ZFAND3: variants seen among roughly 807,000 people sequenced by gnomAD.
ZFAND3 encodes AN1-type zinc finger protein 3.
A neutral mutation model predicts 29.6 loss-of-function variants in ZFAND3; 10 were observed. The ratio of observed to expected loss-of-function variants is 0.34; its 90% CI spans 0.21 to 0.57. The LOEUF (loss-of-function observed/expected upper bound fraction) is 0.57, where lower values mean the gene tolerates loss of function less well. ZFAND3 is among the 20% of genes least tolerant of loss of function. The pLI, the probability that ZFAND3 is intolerant of heterozygous loss-of-function variation, is 0.86. For synonymous variants in ZFAND3, 128 were observed against 112.6 expected (o/e 1.14, Z -0.87); for missense variants, 230 against 304.5 (o/e 0.76, Z 1.82).
intron 1 of ZFAND3, among the ~76,000 whole-genome samples, chr6:37,823,872 A>C (rs1386206602): frequency 6.6e-6 from 1 of 151,840 alleles, no homozygotes; most frequent in South Asian, 2.1e-4. Context: ...GCTCACCGCA[A>C]CCTCTGCCTC....
intron 5 of ZFAND3, 104 bp from the exon 6 acceptor site, chr6:38,152,131 C>A: frequency 8.9e-7 from 1 of 1,120,310 alleles, no homozygotes; most frequent in Admixed American, 2.7e-5. Context: ...GTTGTCCACT[C>A]ACTGGGATGC....
chr6:37,947,319 A>G (rs1267718451), intron 2 of ZFAND3, among the ~76,000 whole-genome samples: 1 of 152,108 alleles, frequency 6.6e-6, no homozygotes, highest in African/African-American at 2.4e-5. Flanking sequence ...TCCTTTTCAT[A>G]TTTATCTGTG....
chr6:37,934,823 A>G (rs1180103790), intron 2 of ZFAND3, among the ~76,000 whole-genome samples: 6 of 131,846 alleles, frequency 4.6e-5, no homozygotes, highest in Non-Finnish European at 1.6e-5. Context: ...TGGGCAACAG[A>G]GTGAGACTCT....
rs70981523 is a variant in ZFAND3 at position 38,120,320 on chromosome 6, C to CTTTTTTTTTTTTTTTTTTTTTTT, written c.529+3589_529+3611dup. 4.4e-4 allele frequency among the ~76,000 whole-genome samples: 27 copies of CTTTTTTTTTTTTTTTTTTTTTTT among 60,734 alleles called. 3 individuals carry two copies. The highest frequency in any genetic ancestry group is 7.3e-4 in the African/African-American group (13 of 17,786). The allele number at this position is 60,734 out of a possible 152,430, so 39.8% of individuals were successfully genotyped here. Reference sequence around the variant, plus strand: ...TGATTGATACACGTAGCTTGGCTTCCTTTTTTTTTTTTTTTTTTTTTTTTT... The same window carrying CTTTTTTTTTTTTTTTTTTTTTTT: ...TGATTGATACACGTAGCTTGGCTTCCTTTTTTTTTTTTTTTTTTTTTTTTTTTTTTTTTTTTTTTTTTTTTTTT... On this transcript the variant is annotated intron_variant, in intron 5 of 5. Coordinates refer to ENST00000287218, the MANE Select transcript of ZFAND3 (RefSeq NM_021943.3).
chr6:37,859,604 G>A (rs916525607), intron 1 of ZFAND3, among the ~76,000 whole-genome samples: 2 of 152,104 alleles, frequency 1.3e-5, no homozygotes, highest in African/African-American at 4.8e-5. Flanking sequence ...ATTGGGGAGG[G>A]GCATGATAGC....
intron 4 of ZFAND3, among the ~76,000 whole-genome samples, chr6:38,098,352 G>T (rs1005734297): frequency 2.0e-5 from 3 of 152,136 alleles, no homozygotes; most frequent in African/African-American, 7.2e-5. Context: ...TTTTCACCAT[G>T]TTGGCCAGGC....
intron 2 of ZFAND3, among the ~76,000 whole-genome samples, chr6:37,965,910 G>C (rs556308008): frequency 6.6e-6 from 1 of 152,104 alleles, no homozygotes; most frequent in African/African-American, 2.4e-5. Context: ...CTATAGGCAT[G>C]TGCTACCATG....
At chr6:38,047,197 C>G (rs1021796453) in intron 2 of ZFAND3, among the ~76,000 whole-genome samples, 3 of 151,820 alleles carry the variant, frequency 2.0e-5, no homozygotes, top group African/African-American at 7.3e-5. Flanking sequence ...CACTTGTAAT[C>G]CCAGCTACTC....
chr6:38,052,586 C>A (rs563636115), intron 2 of ZFAND3, among the ~76,000 whole-genome samples: 65 of 152,102 alleles, frequency 4.3e-4, no homozygotes, highest in Non-Finnish European at 8.2e-4. Flanking sequence ...ATAAGACATT[C>A]ATTTATCCAA....
At chr6:37,998,102 C>T (rs2127438232) in intron 2 of ZFAND3, among the ~76,000 whole-genome samples, 1 of 152,298 alleles carries the variant, frequency 6.6e-6, no homozygotes, top group South Asian at 2.1e-4. Context: ...GATAAACAAA[C>T]TGTAGAATAT....
At position 37,819,774 on chromosome 6, in the gene ZFAND3, G is replaced by C. The variant is rs1011900732; in HGVS notation, c.-172G>C. ...TGGTGCGGCCCGCCTCCAGCTGACCGGCCTGGAATCCCGGCTCCGAGCCCC... is the reference window on the plus strand; with the variant it reads ...TGGTGCGGCCCGCCTCCAGCTGACCCGCCTGGAATCCCGGCTCCGAGCCCC... On this transcript the variant is annotated 5_prime_UTR_variant, in exon 1 of 6. Transcript: ENST00000287218. The C allele has an allele frequency of 7.2e-6, 2 of 279,124 alleles. No individual in the cohort carries two copies. Among genetic ancestry groups the C allele is most frequent in the African/African-American group, 2.3e-5 (1 of 43,880 alleles). The allele number at this position is 279,124 out of a possible 1,614,324, so 17.3% of individuals were successfully genotyped here.
chr6:37,847,400 C>T (rs1232848257), intron 1 of ZFAND3, among the ~76,000 whole-genome samples: 7 of 151,988 alleles, frequency 4.6e-5, no homozygotes, highest in Admixed American at 3.9e-4. Context: ...ATGGTGAAAC[C>T]CTGTCTCTAC....
intron 5 of ZFAND3, among the ~76,000 whole-genome samples, chr6:38,122,095 G>A (rs1361014501): frequency 2.0e-5 from 3 of 152,150 alleles, no homozygotes; most frequent in Non-Finnish European, 4.4e-5. Flanking sequence ...ATGGACTCAT[G>A]GGCTCTTATC....
intron 4 of ZFAND3, among the ~76,000 whole-genome samples, chr6:38,102,159 T>TTCA (rs1295644304): frequency 6.6e-6 from 1 of 152,110 alleles, no homozygotes; most frequent in African/African-American, 2.4e-5. Context: ...CTTCTTCTTC[T>TTCA]TCATCTTCAT....
intron 2 of ZFAND3, among the ~76,000 whole-genome samples, chr6:38,040,206 A>G (rs917316532): frequency 1.3e-5 from 2 of 152,166 alleles, no homozygotes; most frequent in African/African-American, 4.8e-5. Context: ...AAAAGGTTGT[A>G]GTGACTATTC....
intron 1 of ZFAND3, among the ~76,000 whole-genome samples, chr6:37,895,877 G>A (rs993714673): frequency 3.3e-5 from 5 of 151,986 alleles, no homozygotes; most frequent in Non-Finnish European, 5.9e-5. Context: ...TTTAATCTAG[G>A]GTTCATTTAC....
Position 38,138,881 on chromosome 6 carries a change from A to G in ZFAND3, c.530-13354A>G, listed in dbSNP as rs116233728. Among the ~76,000 whole-genome samples, 744 of 152,342 alleles carry G rather than the reference A, an allele frequency of 4.9e-3. 8 individuals carry two copies. The highest frequency in any genetic ancestry group is 0.015 in the African/African-American group (611 of 41,586). ...TTATTCTAGTCAGACGTGTTTGTCA[A>G]GTAGGCCATTGGATATCGGGATTTG... On this transcript the variant is annotated intron_variant, in intron 5 of 5. Coordinates refer to ENST00000287218, the MANE Select transcript of ZFAND3 (RefSeq NM_021943.3).
intron 2 of ZFAND3, among the ~76,000 whole-genome samples, chr6:37,955,382 C>G (rs1762070152): frequency 6.6e-6 from 1 of 152,068 alleles, no homozygotes. Flanking sequence ...TCAAGGGAAC[C>G]AAAGTTTGGT....
chr6:38,154,465 A>G lies in ZFAND3; in HGVS notation c.*2076A>G. 1 of 985,590 alleles carries G rather than the reference A, an allele frequency of 1.0e-6. No individual in the cohort carries two copies. The highest frequency in any genetic ancestry group is 1.2e-6 in the Non-Finnish European group (1 of 829,646). The allele number at this position is 985,590 out of a possible 1,614,324, so 61.1% of individuals were successfully genotyped here. A position where few individuals can be genotyped will look rare whatever the true frequency, so the allele number is the denominator to read the frequency against. ...GAAAGCTTAAATTCTTGTATCTTTAAAAGAGAAAATCTTATTTAACCCTTT... is the reference window on the plus strand; with the variant it reads ...GAAAGCTTAAATTCTTGTATCTTTAGAAGAGAAAATCTTATTTAACCCTTT... On this transcript the variant is annotated 3_prime_UTR_variant, in exon 6 of 6. Transcript: ENST00000287218.
Sources: gnomAD v4.1 joint callset for allele counts (sites outside exome capture counted in the v4.1 genomes callset) on GRCh38, gnomAD v4.1.1 for gene constraint, MANE v1.5 for transcripts, NCBI Gene and HGNC (gene_info 2026-07-23, HGNC 2026-07-21) for gene names.